Variants in CSMD1 observed in about 807,000 individuals in gnomAD.
CSMD1 encodes CUB and sushi domain-containing protein 1.
Under a neutral mutation model 417.5 loss-of-function variants are expected in CSMD1, and 213 were observed. That is an observed-to-expected ratio of 0.51 (90% CI 0.46 to 0.57). The LOEUF is 0.57. Ranked by LOEUF, CSMD1 falls within the 20% of genes least tolerant of loss-of-function variation. The pLI is 0.00. For synonymous variants in CSMD1, 2,862 were observed against 1,736.8 expected, an observed-to-expected ratio of 1.65 and a Z score of -16.11; for missense variants, 6,923 against 4,529.7, an observed-to-expected ratio of 1.53 and a Z score of -15.17.
intron 5 of CSMD1, among the ~76,000 whole-genome samples, chr8:3,860,006 AGTTT>A (rs1334112711): frequency 6.6e-6 from 1 of 152,100 alleles, no homozygotes; most frequent in Non-Finnish European, 1.5e-5. Flanking sequence ...CCAAACTTGG[AGTTT>A]GTTTGAGAAG....
intron 26 of CSMD1, among the ~76,000 whole-genome samples, chr8:3,238,892 G>A (rs1030570179): frequency 1.3e-5 from 2 of 152,152 alleles, no homozygotes; most frequent in Non-Finnish European, 2.9e-5. Context: ...AACCAGCAGT[G>A]TAATCAAGAG....
chr8:3,779,826 G>C (rs1799081758), intron 5 of CSMD1, among the ~76,000 whole-genome samples: 2 of 152,276 alleles, frequency 1.3e-5, no homozygotes, highest in South Asian at 2.1e-4. Flanking sequence ...ATATTTAATA[G>C]GGACAGGAAA....
intron 25 of CSMD1, among the ~76,000 whole-genome samples, chr8:3,284,829 G>A (rs764264303): frequency 6.6e-6 from 1 of 152,130 alleles, no homozygotes; most frequent in Non-Finnish European, 1.5e-5. Flanking sequence ...ACCTGTGTCT[G>A]AATGGTCTGC....
At chr8:4,412,694 A>G (rs1312936374) in intron 3 of CSMD1, among the ~76,000 whole-genome samples, 1 of 152,210 alleles carries the variant, frequency 6.6e-6, no homozygotes, top group South Asian at 2.1e-4. Context: ...TATTAAGTTC[A>G]CGTAACCAAC....
intron 37 of CSMD1, among the ~76,000 whole-genome samples, chr8:3,174,040 C>A (rs1820750384): frequency 6.6e-6 from 1 of 152,154 alleles, no homozygotes; most frequent in African/African-American, 2.4e-5. Context: ...AAATGGAGCT[C>A]ATACATCAGT....
chr8:4,258,969 T>C (rs1248682616), intron 3 of CSMD1, among the ~76,000 whole-genome samples: 1 of 152,194 alleles, frequency 6.6e-6, no homozygotes, highest in African/African-American at 2.4e-5. Flanking sequence ...GGTGTATAAA[T>C]GTCTAACTAA....
At position 4,051,994 on chromosome 8, in the gene CSMD1, C is replaced by T. The variant is rs190206877; in HGVS notation, c.416-19895G>A. 8.6e-5 allele frequency among the ~76,000 whole-genome samples: 13 copies of T among 151,798 alleles called. No individual in the cohort carries two copies. The East Asian group carries it at 2.5e-3, about 29-fold the overall frequency. On this transcript the variant is annotated intron_variant, in intron 3 of 69. Coordinates refer to ENST00000635120, the MANE Select transcript of CSMD1 (RefSeq NM_033225.6). The stretch of plus-strand genomic sequence containing the variant: ...AGGCTGGAGTGCAACAGTGTTATCT[C>T]GGCTCACTGCAACCTCTGTCTCCCT...
intron 5 of CSMD1, among the ~76,000 whole-genome samples, chr8:3,920,942 T>A (rs1809207953): frequency 6.6e-6 from 1 of 152,176 alleles, no homozygotes; most frequent in Non-Finnish European, 1.5e-5. Flanking sequence ...TCTTTTATTG[T>A]AATGTAATCT....
intron 3 of CSMD1, among the ~76,000 whole-genome samples, chr8:4,083,041 T>G (rs1172174723): frequency 2.6e-5 from 4 of 152,148 alleles, no homozygotes; most frequent in South Asian, 2.1e-4. Flanking sequence ...TTGTTCCAAG[T>G]CTTTGCTATT....
intron 3 of CSMD1, among the ~76,000 whole-genome samples, chr8:4,245,061 A>G (rs1384855658): frequency 6.6e-6 from 1 of 152,192 alleles, no homozygotes; most frequent in East Asian, 1.9e-4. Context: ...AATGTGTATT[A>G]TAGCTATTTT....
At chr8:4,077,696 T>A (rs1799907188) in intron 3 of CSMD1, among the ~76,000 whole-genome samples, 3 of 151,948 alleles carry the variant, frequency 2.0e-5, no homozygotes, top group South Asian at 4.2e-4. Flanking sequence ...TAAGACAGAG[T>A]TTAATTCTTG....
At chr8:3,503,312 A>G (rs59420002) in intron 10 of CSMD1, among the ~76,000 whole-genome samples, 7,268 of 152,296 alleles carry the variant, frequency 0.048, 406 homozygotes, top group East Asian at 0.16. Flanking sequence ...CTACAATTCA[A>G]TGCACTGCTA....
intron 7 of CSMD1, among the ~76,000 whole-genome samples, chr8:3,638,498 T>C (rs987852743): frequency 6.6e-6 from 1 of 151,838 alleles, no homozygotes; most frequent in Non-Finnish European, 1.5e-5. Context: ...ATGATAATGA[T>C]GACAAGATTC....
intron 1 of CSMD1, among the ~76,000 whole-genome samples, chr8:4,887,852 G>A (rs555107548): frequency 6.6e-6 from 1 of 152,000 alleles, no homozygotes; most frequent in South Asian, 2.1e-4. Context: ...AGCCACTCCA[G>A]CTTTTGCATG....
At chr8:3,942,835 G>C (rs1335460013) in intron 5 of CSMD1, among the ~76,000 whole-genome samples, 1 of 152,102 alleles carries the variant, frequency 6.6e-6, no homozygotes, top group African/African-American at 2.4e-5. Context: ...GGCAATGATT[G>C]AGCTATAGTA....
At position 4,187,274 on chromosome 8, in the gene CSMD1, G is replaced by A. The variant is rs114564183; in HGVS notation, c.416-155175C>T. Among the ~76,000 whole-genome samples, 1,365 of 152,218 alleles carry A rather than the reference G, an allele frequency of 9.0e-3. 17 individuals are homozygous for A. The highest frequency in any genetic ancestry group is 0.031 in the African/African-American group (1,269 of 41,524). Reference sequence around the variant, plus strand: ...GGCAGAGACTTAAAATGACTTTTAGGGAATACTGATGCTCTTTCAGTCATA... The same window carrying A: ...GGCAGAGACTTAAAATGACTTTTAGAGAATACTGATGCTCTTTCAGTCATA... On this transcript the variant is annotated intron_variant, in intron 3 of 69. Transcript: ENST00000635120.
intron 54 of CSMD1, among the ~76,000 whole-genome samples, chr8:2,985,630 G>C (rs1805828012): frequency 6.6e-6 from 1 of 152,192 alleles, no homozygotes; most frequent in South Asian, 2.1e-4. Flanking sequence ...AACTGATAAA[G>C]TTTAAAGGGC....
intron 5 of CSMD1, among the ~76,000 whole-genome samples, chr8:3,932,238 A>G (rs1014492752): frequency 6.6e-5 from 10 of 150,570 alleles, no homozygotes; most frequent in African/African-American, 2.4e-4. Flanking sequence ...GGTCAAACTT[A>G]AGAGCAGGAA....
chr8:3,785,436 C>A (rs1284049204), intron 5 of CSMD1, among the ~76,000 whole-genome samples: 1 of 152,174 alleles, frequency 6.6e-6, no homozygotes, highest in African/African-American at 2.4e-5. Flanking sequence ...TGGGACCCAG[C>A]AATGCCAAGA....
Sources: gnomAD v4.1 joint callset for allele counts (sites outside exome capture counted in the v4.1 genomes callset) on GRCh38, gnomAD v4.1.1 for gene constraint, MANE v1.5 for transcripts, NCBI Gene and HGNC (gene_info 2026-07-23, HGNC 2026-07-21) for gene names.